The following KDM4C variants were observed in gnomAD, a reference collection of about 807,000 sequenced individuals.
KDM4C encodes lysine demethylase 4C, also known as lysine-specific demethylase 4C.
A neutral mutation model predicts 129.3 loss-of-function variants in KDM4C; 81 were observed. That is an observed-to-expected ratio of 0.63 (90% confidence interval 0.52 to 0.75). The LOEUF is 0.75. Ranked by LOEUF, KDM4C falls within the 30% of genes least tolerant of loss-of-function variation. The pLI, the probability that KDM4C is intolerant of heterozygous loss-of-function variation, is 0.00. For missense variants in KDM4C, 1,457 were observed against 1,304.0 expected, an observed-to-expected ratio of 1.12 and a Z score of -1.81; for synonymous variants, 573 against 456.1, an observed-to-expected ratio of 1.26 and a Z score of -3.26.
Position 6,892,994 on chromosome 9 carries a change from G to A in KDM4C, c.784-101G>A, listed in dbSNP as rs1846319875. ...CTTTTTGGTAGTGCTCTGATATCAA[G>A]ACTTTTTTTCTTTGTTTTTTAATGG... On this transcript the variant is annotated intron_variant, in intron 7 of 21. Coordinates refer to ENST00000381309, the MANE Select transcript of KDM4C (RefSeq NM_015061.6). 5.4e-6 allele frequency: 5 copies of A among 933,508 alleles called. No individual in the cohort carries two copies. In the South Asian group the frequency reaches 1.5e-4, roughly 29 times the overall value. 57.8% of individuals were successfully genotyped at this position (933,508 alleles called of 1,614,324 possible). A position where few individuals can be genotyped will look rare whatever the true frequency, so the allele number is the denominator to read the frequency against.
At chr9:6,849,756 G>A in intron 5 of KDM4C, 56 bp downstream of exon 5, 2 of 1,353,828 alleles carry the variant, frequency 1.5e-6, no homozygotes, top group Non-Finnish European at 1.0e-6. Flanking sequence ...TGGGCATCAG[G>A]CACATATTGA....
chr9:6,870,172 G>A (rs536957754), intron 5 of KDM4C, among the ~76,000 whole-genome samples: 1 of 152,078 alleles, frequency 6.6e-6, no homozygotes, highest in South Asian at 2.1e-4. Flanking sequence ...CATCCCCCCT[G>A]AAAAAAACAA....
intron 1 of KDM4C, among the ~76,000 whole-genome samples, chr9:6,764,101 G>C (rs1026416718): frequency 1.3e-5 from 2 of 152,166 alleles, no homozygotes; most frequent in Admixed American, 6.6e-5. Context: ...TAATAACTTA[G>C]ATGAGATTTT....
At chr9:6,872,943 T>A (rs1157902091) in intron 5 of KDM4C, among the ~76,000 whole-genome samples, 1 of 152,226 alleles carries the variant, frequency 6.6e-6, no homozygotes, top group Non-Finnish European at 1.5e-5. Context: ...ATTTTTTCTT[T>A]AAGACAGAGT....
intron 5 of KDM4C, among the ~76,000 whole-genome samples, chr9:6,855,231 C>CG (rs1839586315): frequency 6.6e-6 from 1 of 152,012 alleles, no homozygotes; most frequent in Non-Finnish European, 1.5e-5. Context: ...GAGGCTGAGG[C>CG]GGGCAGATCA....
chr9:7,107,401 C>T (rs1270445882), intron 18 of KDM4C, among the ~76,000 whole-genome samples: 3 of 152,250 alleles, frequency 2.0e-5, no homozygotes, highest in African/African-American at 7.2e-5. Context: ...ACCACAGGGC[C>T]ATCTCACACT....
chr9:7,151,011 C>T (rs1842678172), intron 19 of KDM4C, among the ~76,000 whole-genome samples: 1 of 152,224 alleles, frequency 6.6e-6, no homozygotes, highest in Non-Finnish European at 1.5e-5. Flanking sequence ...AGGGAAAGTA[C>T]GTACTAACAA....
chr9:7,021,291 C>A (rs2132257599), intron 15 of KDM4C, among the ~76,000 whole-genome samples: 1 of 151,872 alleles, frequency 6.6e-6, no homozygotes, highest in Non-Finnish European at 1.5e-5. Context: ...ATTACAGGCG[C>A]ATGCCACCAT....
intron 12 of KDM4C, among the ~76,000 whole-genome samples, chr9:7,002,311 G>C (rs1481975428): frequency 6.6e-6 from 1 of 152,002 alleles, no homozygotes; most frequent in Non-Finnish European, 1.5e-5. Flanking sequence ...ACCTATCTTT[G>C]TTTTTTAATT....
intron 1 of KDM4C, among the ~76,000 whole-genome samples, chr9:6,744,565 A>T (rs1324419812): frequency 6.6e-6 from 1 of 152,100 alleles, no homozygotes; most frequent in Non-Finnish European, 1.5e-5. Context: ...CTTAATTTTT[A>T]AAAATATTTA....
chr9:6,882,231 G>GT (rs1275716902), intron 6 of KDM4C, among the ~76,000 whole-genome samples: 7 of 152,108 alleles, frequency 4.6e-5, no homozygotes, highest in Non-Finnish European at 1.5e-5. Flanking sequence ...TGTTATATTC[G>GT]TCTGTAATGC....
At chr9:6,927,089 T>TTCTATTTA (rs1554647151) in intron 8 of KDM4C, among the ~76,000 whole-genome samples, 1 of 145,086 alleles carries the variant, frequency 6.9e-6, no homozygotes, top group Non-Finnish European at 1.5e-5. Context: ...AAAAAAAATT[T>TTCTATTTA]TCTATCTATC....
At chr9:6,784,473 C>G (rs184530528) in intron 1 of KDM4C, among the ~76,000 whole-genome samples, 5 of 152,140 alleles carry the variant, frequency 3.3e-5, no homozygotes, top group Non-Finnish European at 4.4e-5. Context: ...CTCCAGTGGT[C>G]CACCCACCTT....
At chr9:7,094,979 C>T (rs1836254382) in intron 17 of KDM4C, among the ~76,000 whole-genome samples, 2 of 152,170 alleles carry the variant, frequency 1.3e-5, no homozygotes, top group Non-Finnish European at 2.9e-5. Flanking sequence ...AGCGTAGCAG[C>T]TTGTGTAGTT....
At chr9:7,029,293 GTTTT>G (rs59185392) in intron 15 of KDM4C, among the ~76,000 whole-genome samples, 2 of 141,600 alleles carry the variant, frequency 1.4e-5, no homozygotes, top group African/African-American at 2.5e-5. Flanking sequence ...TCCCCCCACC[GTTTT>G]TTTTTTTTTT....
chr9:6,827,069 G>A (rs1378178645), intron 4 of KDM4C, among the ~76,000 whole-genome samples: 2 of 152,132 alleles, frequency 1.3e-5, no homozygotes, highest in Non-Finnish European at 2.9e-5. Flanking sequence ...GCTAACCTGA[G>A]AGAGTGGCAC....
intron 8 of KDM4C, among the ~76,000 whole-genome samples, chr9:6,904,574 A>G (rs1817968839): frequency 1.3e-5 from 2 of 152,082 alleles, no homozygotes; most frequent in African/African-American, 4.8e-5. Flanking sequence ...TGCTTGGTGC[A>G]CGGGTCCAGT....
chr9:7,048,965 G>A (rs527627474), intron 16 of KDM4C, 127 bp from the exon 17 acceptor site: 10 of 601,112 alleles, frequency 1.7e-5, no homozygotes, highest in Non-Finnish European at 2.7e-5. Context: ...ATCTGTTTGT[G>A]ATGGATTTAG....
At chr9:6,860,369 A>G (rs1588758190) in intron 5 of KDM4C, among the ~76,000 whole-genome samples, 2 of 152,304 alleles carry the variant, frequency 1.3e-5, no homozygotes, top group East Asian at 1.9e-4. Flanking sequence ...GTTTCTCTCT[A>G]GGGAATAGTT....
Sources: gnomAD v4.1 joint callset for allele counts (sites outside exome capture counted in the v4.1 genomes callset) on GRCh38, gnomAD v4.1.1 for gene constraint, MANE v1.5 for transcripts, NCBI Gene and HGNC (gene_info 2026-07-23, HGNC 2026-07-21) for gene names.